Variants in DLC1 observed in about 807,000 individuals in gnomAD.
DLC1 encodes rho GTPase-activating protein 7.
DLC1 carries 54 observed loss-of-function variants against 140.3 expected under a neutral mutation model. The ratio of observed to expected loss-of-function variants is 0.38; its 90% CI spans 0.31 to 0.48. The LOEUF is 0.48. DLC1 is among the 20% of genes least tolerant of loss of function. The probability of loss-of-function intolerance (pLI) is 0.96; values close to 1 mark genes in which losing one functional copy is unlikely to be tolerated. For missense variants in DLC1, 2,536 were observed against 1,907.0 expected (o/e 1.33, Z -6.14); for synonymous variants, 986 against 728.1 (o/e 1.35, Z -5.70).
At position 13,540,667 on chromosome 8, in the gene DLC1, C is replaced by A. The variant is rs141516155; in HGVS notation, c.-125-40471G>T. 3.2e-3 allele frequency among the ~76,000 whole-genome samples: 487 copies of A among 152,312 alleles called. 3 individuals are homozygous for A. Among genetic ancestry groups the A allele is most frequent in the African/African-American group, 0.011 (466 of 41,560 alleles). On this transcript the variant is annotated intron_variant, in intron 1 of 1. Transcript: ENST00000631382. ...ATTATCACCAAAATGTTTATTGGATCTGAAGTATGGCACTAATTATTTCTG... is the reference window on the plus strand; with the variant it reads ...ATTATCACCAAAATGTTTATTGGATATGAAGTATGGCACTAATTATTTCTG...
intron 2 of DLC1, among the ~76,000 whole-genome samples, chr8:13,456,101 CAG>C (rs201792423): frequency 0.023 from 3,558 of 152,258 alleles, 61 homozygotes; most frequent in Middle Eastern, 0.041. Context: ...AGATTTGCAG[CAG>C]AGTTTCCCGT....
Position 13,126,730 on chromosome 8 carries a change from T to A in DLC1, c.1349-11073A>T, listed in dbSNP as rs183316732. On this transcript the variant is annotated intron_variant, in intron 5 of 17. Coordinates refer to ENST00000276297, the MANE Select transcript of DLC1 (RefSeq NM_182643.3). ...ATTAAAAGTTGGCATACAAATAAAC[T>A]CTTTCTTTTACATATGTTAGCAAAG... Among the ~76,000 whole-genome samples, 5 of 152,292 alleles carry A rather than the reference T, an allele frequency of 3.3e-5. 1 individual carries two copies. Among genetic ancestry groups the A allele is most frequent in the African/African-American group, 1.2e-4 (5 of 41,570 alleles).
At chr8:13,531,069 C>T (rs1488026123) in intron 1 of DLC1, among the ~76,000 whole-genome samples, 3 of 152,058 alleles carry the variant, frequency 2.0e-5, no homozygotes, top group African/African-American at 7.2e-5. Flanking sequence ...CCAGAGTTCT[C>T]CCTCTGCCAG....
chr8:13,098,617 T>G, intron 9 of DLC1, 42 bp from the exon 10 acceptor site: 1 of 1,558,816 alleles, frequency 6.4e-7, no homozygotes, highest in Non-Finnish European at 8.7e-7. Context: ...GAAGCCTTTT[T>G]ATTTGATTTT....
chr8:13,295,954 T>TTG (rs1554491602), intron 5 of DLC1, among the ~76,000 whole-genome samples: 47 of 126,530 alleles, frequency 3.7e-4, no homozygotes, highest in Middle Eastern at 3.9e-3. Context: ...TTTTTTTTTT[T>TTG]TTTTTTTTTT....
At chr8:13,136,939 A>C (rs1345588725) in intron 5 of DLC1, among the ~76,000 whole-genome samples, 2 of 152,242 alleles carry the variant, frequency 1.3e-5, no homozygotes, top group African/African-American at 4.8e-5. Context: ...TGCATACCTC[A>C]TGAGGGTTTT....
chr8:13,165,071 A>G (rs1312341738), intron 5 of DLC1, among the ~76,000 whole-genome samples: 2 of 152,094 alleles, frequency 1.3e-5, no homozygotes, highest in African/African-American at 4.8e-5. Context: ...TTCTCTTTCT[A>G]CTAGGGTTGT....
intron 5 of DLC1, among the ~76,000 whole-genome samples, chr8:13,118,334 A>C (rs758233672): frequency 8.5e-5 from 13 of 152,226 alleles, no homozygotes; most frequent in Admixed American, 5.9e-4. Context: ...TAATTTAATT[A>C]ACAGTTTATA....
intron 1 of DLC1, among the ~76,000 whole-genome samples, chr8:13,592,929 C>G (rs1028227047): frequency 1.3e-5 from 2 of 152,146 alleles, no homozygotes; most frequent in Admixed American, 6.6e-5. Context: ...TCATGCTCTT[C>G]AAACAGGGTC....
intron 1 of DLC1, among the ~76,000 whole-genome samples, chr8:13,527,601 T>G (rs1259800508): frequency 1.3e-5 from 2 of 152,182 alleles, no homozygotes; most frequent in Admixed American, 1.3e-4. Context: ...GAACCTACTA[T>G]GGATGATTTG....
At chr8:13,490,470 C>A (rs28366945) in intron 2 of DLC1, among the ~76,000 whole-genome samples, 3,265 of 152,202 alleles carry the variant, frequency 0.021, 108 homozygotes, top group African/African-American at 0.074. Flanking sequence ...TTTGTAAGAA[C>A]ATGAGCCAGA....
chr8:13,268,619 G>A (rs1033255436), intron 5 of DLC1, among the ~76,000 whole-genome samples: 9 of 152,162 alleles, frequency 5.9e-5, no homozygotes, highest in Admixed American at 6.5e-5. Context: ...ATGGCTTCAA[G>A]TGATCCTTCC....
Position 13,100,732 on chromosome 8 carries a change from A to G in DLC1, c.1605T>C (p.Ser535=). 2 of 1,599,364 alleles carry G rather than the reference A, an allele frequency of 1.3e-6. No individual in the cohort carries two copies. Among genetic ancestry groups the G allele is most frequent in the Non-Finnish European group, 1.7e-6 (2 of 1,173,192 alleles). Residue 535 remains serine (S), a synonymous_variant, in exon 9 of 18, where the codon AGT becomes AGC. Transcript: ENST00000276297. ...DSDEDEPCAI[S]GKWTFQRDSK... Reference sequence around the variant, plus strand: ...TGTCCCTTTGGAAAGTCCATTTGCCACTGATGGCACAAGGCTCATCCTCGT... The same window carrying G: ...TGTCCCTTTGGAAAGTCCATTTGCCGCTGATGGCACAAGGCTCATCCTCGT...
At position 13,188,825 on chromosome 8, in the gene DLC1, ATG is replaced by A. The variant is rs1291577809; in HGVS notation, c.1349-73170_1349-73169del. ...TGTATATATATATATATATATATAT[ATG>A]TATATATATATATATATTTTTTTTT... On this transcript the variant is annotated intron_variant, in intron 5 of 17. Coordinates refer to ENST00000276297, the MANE Select transcript of DLC1 (RefSeq NM_182643.3). Among the ~76,000 whole-genome samples the A allele has an allele frequency of 7.1e-3, 264 of 37,036 alleles. 4 individuals carry two copies. Among genetic ancestry groups the A allele is most frequent in the African/African-American group, 0.023 (250 of 10,780 alleles). 24.3% of individuals were successfully genotyped at this position (37,036 alleles called of 152,430 possible). A position where few individuals can be genotyped will look rare whatever the true frequency, so the allele number is the denominator to read the frequency against.
chr8:13,261,401 G>A (rs1359988798), intron 5 of DLC1, among the ~76,000 whole-genome samples: 3 of 152,180 alleles, frequency 2.0e-5, no homozygotes, highest in Non-Finnish European at 4.4e-5. Flanking sequence ...GTAGGCCCCA[G>A]GTCAGGCAGA....
Position 13,470,877 on chromosome 8 carries a change from A to G in DLC1, c.1023+28172T>C, listed in dbSNP as rs765772991. On this transcript the variant is annotated intron_variant, in intron 2 of 17. Coordinates refer to ENST00000276297, the MANE Select transcript of DLC1 (RefSeq NM_182643.3). Reference sequence around the variant, plus strand: ...CCAAGTGACACCTAAGTGTCCATCAATGAATGAATGGACAAATGGATAAAG... The same window carrying G: ...CCAAGTGACACCTAAGTGTCCATCAGTGAATGAATGGACAAATGGATAAAG... 5.3e-5 allele frequency among the ~76,000 whole-genome samples: 8 copies of G among 152,320 alleles called. No homozygotes were observed. The South Asian group carries it at 1.2e-3, about 24-fold the overall frequency.
chr8:13,569,475 G>C (rs1050539193), intron 1 of DLC1, among the ~76,000 whole-genome samples: 6 of 151,898 alleles, frequency 4.0e-5, no homozygotes, highest in African/African-American at 1.5e-4. Flanking sequence ...ATTATGTCAT[G>C]CTTTATCTTT....
intron 2 of DLC1, among the ~76,000 whole-genome samples, chr8:13,471,135 T>C (rs1800187227): frequency 6.6e-6 from 1 of 151,236 alleles, no homozygotes. Context: ...ATGGTAGTTG[T>C]CAGGGGTTGG....
At chr8:13,301,168 T>A (rs943151489) in intron 5 of DLC1, among the ~76,000 whole-genome samples, 1 of 152,018 alleles carries the variant, frequency 6.6e-6, no homozygotes, top group African/African-American at 2.4e-5. Flanking sequence ...GAAACTAATA[T>A]TTTTTTGAAA....
Sources: allele counts gnomAD v4.1 joint callset (sites outside exome capture counted in the v4.1 genomes callset), GRCh38; gene constraint gnomAD v4.1.1; transcripts MANE v1.5; gene names NCBI Gene and HGNC (gene_info 2026-07-23, HGNC 2026-07-21).